Variants in CCNG1 observed in about 807,000 individuals in gnomAD.
CCNG1 encodes the protein cyclin G1, also known as cyclin-G1.
Under a neutral mutation model 30.0 loss-of-function variants are expected in CCNG1, and 13 were observed. The observed-to-expected ratio is 0.43, with a 90% CI of 0.28 to 0.69. The LOEUF (loss-of-function observed/expected upper bound fraction) is 0.69. Among genes scored for constraint, CCNG1 ranks in the 30% least tolerant of loss-of-function variants. The pLI, the probability that CCNG1 is intolerant of heterozygous loss-of-function variation, is 0.16. For missense variants in CCNG1, 285 were observed against 331.4 expected (o/e 0.86, Z 1.09); for synonymous variants, 110 against 121.5 (o/e 0.91, Z 0.62).
At chr5:163,442,602 G>A in intron 6 of CCNG1, 34 bp downstream of exon 6, 1 of 1,489,238 alleles carries the variant, frequency 6.7e-7, no homozygotes, top group Non-Finnish European at 9.1e-7. Context: ...TCCAGATAGA[G>A]AACATTTTCC....
chr5:163,440,888 A>G, intron 2 of CCNG1, among the ~76,000 whole-genome samples, 190 bp from the exon 3 acceptor site: 1 of 152,184 alleles, frequency 6.6e-6, no homozygotes, highest in East Asian at 1.9e-4. Context: ...AATTGGTTCT[A>G]AGTGGGGTCC....
chr5:163,441,778 A>G, intron 3 of CCNG1, 108 bp from the exon 4 acceptor site: 1 of 662,640 alleles, frequency 1.5e-6, no homozygotes, highest in Non-Finnish European at 2.7e-6. Context: ...TGCTATGTTA[A>G]GTGTGCATAA....
Position 163,443,731 on chromosome 5 carries a change from G to C in CCNG1, c.*61G>C, listed in dbSNP as rs1336654028. ...CCTTTCTCCACAACCTTGTTCTATG[G>C]ATTCCATAATGTTACAATGGATTTA... is the stretch of plus-strand genomic sequence containing the variant. On this transcript the variant is annotated 3_prime_UTR_variant, in exon 7 of 7. Coordinates refer to ENST00000340828, the MANE Select transcript of CCNG1 (RefSeq NM_004060.4). 2 of 1,524,748 alleles carry C rather than the reference G, an allele frequency of 1.3e-6. No homozygotes were observed. Among genetic ancestry groups the C allele is most frequent in the Admixed American group, 3.9e-5 (2 of 50,814 alleles). The allele number at this position is 1,524,748 out of a possible 1,614,324, so 94.5% of individuals were successfully genotyped here.
At position 163,439,290 on chromosome 5, in the gene CCNG1, A is replaced by C; in HGVS notation, c.34A>C (p.Lys12Gln). 6.2e-7 allele frequency: 1 copy of C among 1,613,876 alleles called. No individual in the cohort carries two copies. Among genetic ancestry groups the C allele is most frequent in the Non-Finnish European group, 8.5e-7 (1 of 1,180,000 alleles). ...GGTACTGACAACAACTGACTCTCAG[A>C]AACTGCTACACCAGCTGAATGCCCT... is the stretch of plus-strand genomic sequence containing the variant. ...IEVLTTTDSQ[K>Q]LLHQLNALLE... Residue 12 changes from lysine to glutamine, a missense_variant, in exon 2 of 7, where the codon AAA becomes CAA. By Grantham distance (53) the Lys-to-Gln change is moderately conservative. Coordinates refer to ENST00000340828, the MANE Select transcript of CCNG1 (RefSeq NM_004060.4).
the CCNG1 span, chr5:163,456,828 T>C: frequency 1.1e-6 from 1 of 913,270 alleles, no homozygotes; most frequent in East Asian, 3.2e-5. Flanking sequence ...TAGAAAATGT[T>C]TGTAACTTTT....
intron 1 of CCNG1, 69 bp from the exon 2 acceptor site, chr5:163,439,188 C>A: frequency 3.5e-6 from 5 of 1,409,796 alleles, no homozygotes. Flanking sequence ...TGGCCCAGTG[C>A]AAAGATGGCC....
At chr5:163,438,598 T>C (rs1344933903) in intron 1 of CCNG1, among the ~76,000 whole-genome samples, 2 of 152,232 alleles carry the variant, frequency 1.3e-5, no homozygotes, top group Non-Finnish European at 2.9e-5. Flanking sequence ...ATTTTGTTAA[T>C]ATGTGGCAGA....
rs750393158 is a variant in CCNG1 at position 163,439,379 on chromosome 5, C to T, written c.123C>T (p.His41=). The change falls in exon 2 of 7, where the codon CAC becomes CAT. Residue 41 remains histidine, a synonymous_variant. Coordinates refer to ENST00000340828, the MANE Select transcript of CCNG1 (RefSeq NM_004060.4). ...VCGLRLIESA[H]DNGLRMTARL... ...GTTTGAGACTAATTGAGTCTGCACACGATAATGGCCTCAGAATGACTGCAA... is the reference window on the plus strand; with the variant it reads ...GTTTGAGACTAATTGAGTCTGCACATGATAATGGCCTCAGAATGACTGCAA... 7.4e-6 allele frequency: 12 copies of T among 1,614,002 alleles called. No homozygotes were observed. Among genetic ancestry groups the T allele is most frequent in the Admixed American group, 1.7e-5 (1 of 59,992 alleles).
chr5:163,447,361 A>T (rs929169283), downstream of CCNG1: 1 of 151,808 alleles, frequency 6.6e-6, no homozygotes. Context: ...TGAGGTGGGA[A>T]GACTGTCTGA....
At chr5:163,441,806 G>A in intron 3 of CCNG1, 80 bp from the exon 4 acceptor site, 1 of 814,146 alleles carries the variant, frequency 1.2e-6, no homozygotes, top group East Asian at 2.5e-5. Context: ...TTTAAAAATT[G>A]ACTTCAATGT....
the CCNG1 span, chr5:163,457,213 C>T: frequency 2.9e-5 from 26 of 899,116 alleles, no homozygotes; most frequent in Non-Finnish European, 4.1e-5. Flanking sequence ...CTCACTGAAA[C>T]CTCCGCCCCC....
intron 6 of CCNG1, 146 bp from the exon 7 acceptor site, chr5:163,443,524 GATTT>G (rs1356843760): frequency 4.4e-5 from 26 of 584,726 alleles, no homozygotes; most frequent in Non-Finnish European, 7.3e-5. Flanking sequence ...ACTCAGTGAT[GATTT>G]ATTCTACTCA....
chr5:163,455,548 G>A, the CCNG1 span, among the ~76,000 whole-genome samples: 2 of 152,302 alleles, frequency 1.3e-5, no homozygotes, highest in East Asian at 3.9e-4. Flanking sequence ...CGGATCACGA[G>A]GTCAAGAGAT....
the CCNG1 span, among the ~76,000 whole-genome samples, chr5:163,455,184 T>C: frequency 6.6e-6 from 1 of 151,610 alleles, no homozygotes; most frequent in Non-Finnish European, 1.5e-5. Context: ...TAAAATTATA[T>C]TTAAATGGGA....
intron 3 of CCNG1, chr5:163,441,583 T>G (rs151270527): frequency 6.5e-5 from 32 of 489,248 alleles, no homozygotes; most frequent in African/African-American, 6.0e-4. Context: ...AACACAAATT[T>G]ATGGAAAAAA....
intron 1 of CCNG1, among the ~76,000 whole-genome samples, chr5:163,438,073 C>T (rs1757580451): frequency 6.6e-6 from 1 of 152,142 alleles, no homozygotes; most frequent in Admixed American, 6.5e-5. Context: ...ACATGACTAG[C>T]TCTGAAGACC....
At chr5:163,452,301 G>A in the CCNG1 span, 1 of 152,062 alleles carries the variant, frequency 6.6e-6, no homozygotes, top group African/African-American at 2.4e-5. Context: ...TCACTAAAGA[G>A]AACCCAGGCT....
At chr5:163,440,580 T>C (rs938546441) in intron 2 of CCNG1, among the ~76,000 whole-genome samples, 2 of 152,104 alleles carry the variant, frequency 1.3e-5, no homozygotes, top group African/African-American at 4.8e-5. Context: ...ATGATAAAGA[T>C]TAGTAGTGGA....
chr5:163,457,608 G>A, the CCNG1 span: 8 of 1,581,000 alleles, frequency 5.1e-6, no homozygotes, highest in East Asian at 1.8e-4. Flanking sequence ...CAAAGAGTTT[G>A]CCCTGAAAAA....
Sources: gnomAD v4.1 joint callset for allele counts (sites outside exome capture counted in the v4.1 genomes callset) on GRCh38, gnomAD v4.1.1 for gene constraint, MANE v1.5 for transcripts, NCBI Gene and HGNC (gene_info 2026-07-23, HGNC 2026-07-21) for gene names.